The following SEMA3A variants were observed in gnomAD, a reference collection of about 807,000 sequenced individuals.
The protein encoded by SEMA3A is semaphorin-3A.
Under a neutral mutation model 97.9 loss-of-function variants are expected in SEMA3A, and 29 were observed. The observed-to-expected ratio is 0.30, with a 90% CI of 0.22 to 0.40. The LOEUF is 0.40. Among genes scored for constraint, SEMA3A ranks in the 10% least tolerant of loss-of-function variants. The pLI is 1.00. For synonymous variants in SEMA3A, 321 were observed against 323.7 expected, an observed-to-expected ratio of 0.99 and a Z score of 0.09; for missense variants, 763 against 951.3, an observed-to-expected ratio of 0.80 and a Z score of 2.60.
intron 6 of SEMA3A, among the ~76,000 whole-genome samples, chr7:84,018,277 G>T (rs1010022416): frequency 1.3e-5 from 2 of 151,840 alleles, no homozygotes; most frequent in Admixed American, 1.3e-4. Context: ...TAAGTCTAAG[G>T]TCTCTCACTA....
At chr7:84,231,372 C>G (rs1799112111) in intron 3 of SEMA3A, among the ~76,000 whole-genome samples, 1 of 151,834 alleles carries the variant, frequency 6.6e-6, no homozygotes, top group Admixed American at 6.6e-5. Context: ...AGTTGTCTAG[C>G]ATGTAGGCCA....
chr7:84,287,443 T>G (rs1406167446), intron 3 of SEMA3A, among the ~76,000 whole-genome samples: 3 of 152,176 alleles, frequency 2.0e-5, no homozygotes, highest in Non-Finnish European at 2.9e-5. Flanking sequence ...CAAAAGAGCA[T>G]GTATTTCAGA....
chr7:84,098,848 C>A (rs1196800821), intron 4 of SEMA3A, among the ~76,000 whole-genome samples: 1 of 152,036 alleles, frequency 6.6e-6, no homozygotes. Context: ...ACATGTTGAA[C>A]TTCCCTGAGC....
intron 3 of SEMA3A, among the ~76,000 whole-genome samples, chr7:84,120,475 C>G (rs1267703076): frequency 6.6e-6 from 1 of 152,146 alleles, no homozygotes; most frequent in Admixed American, 6.6e-5. Context: ...TATTATTACA[C>G]TGCTTCTGAA....
intron 12 of SEMA3A, among the ~76,000 whole-genome samples, chr7:83,997,744 C>CT (rs745309176): frequency 0.021 from 2,942 of 142,742 alleles, 73 homozygotes; most frequent in African/African-American, 0.059. Context: ...TGAAATTTTT[C>CT]TTTTTTTTTT....
At chr7:84,385,064 A>AACACACACACACACAC (rs58600722) in intron 1 of SEMA3A, among the ~76,000 whole-genome samples, 1 of 147,326 alleles carries the variant, frequency 6.8e-6, no homozygotes, top group African/African-American at 2.5e-5. Flanking sequence ...ACATCCACAA[A>AACACACACACACACAC]ACACACACAC....
intron 3 of SEMA3A, among the ~76,000 whole-genome samples, chr7:84,226,299 A>G (rs1193030669): frequency 6.6e-6 from 1 of 152,050 alleles, no homozygotes; most frequent in African/African-American, 2.4e-5. Context: ...GGACTCCCCT[A>G]TAAGAAAGTC....
At chr7:84,081,661 ACAAT>A (rs1413535133) in intron 4 of SEMA3A, among the ~76,000 whole-genome samples, 9 of 152,012 alleles carry the variant, frequency 5.9e-5, no homozygotes, top group African/African-American at 1.9e-4. Flanking sequence ...AGTAATACAA[ACAAT>A]CATAGTCAGT....
At chr7:84,199,754 G>A (rs1251617117), upstream of SEMA3A, among the ~76,000 whole-genome samples, 1 of 151,640 alleles carries the variant, frequency 6.6e-6, no homozygotes, top group Admixed American at 6.6e-5. Context: ...GAATTCTGTG[G>A]GTGAAAAAAT....
In SEMA3A at chr7:84,110,758, C is replaced by T. The variant is rs114604457; in HGVS notation, c.334-169G>A. The stretch of plus-strand genomic sequence containing the variant: ...ACTTATTTATTATTCTATTGTTTTG[C>T]TTATATTATAATATGCATTAAAATA... On this transcript the variant is annotated intron_variant, in intron 3 of 16. Coordinates refer to ENST00000265362, the MANE Select transcript of SEMA3A (RefSeq NM_006080.3). Among the ~76,000 whole-genome samples the T allele has an allele frequency of 5.1e-3, 770 of 151,510 alleles. 4 individuals carry two copies. Among genetic ancestry groups the T allele is most frequent in the African/African-American group, 0.014 (567 of 41,238 alleles).
chr7:84,205,213 T>A (rs978240909), intron 3 of SEMA3A, among the ~76,000 whole-genome samples: 1 of 152,206 alleles, frequency 6.6e-6, no homozygotes, highest in Admixed American at 6.5e-5. Context: ...ACTATTTATA[T>A]TTCAAGTCAT....
At chr7:84,347,957 C>T (rs1802342132) in intron 2 of SEMA3A, among the ~76,000 whole-genome samples, 1 of 152,098 alleles carries the variant, frequency 6.6e-6, no homozygotes, top group East Asian at 1.9e-4. Context: ...TCAAAACTCA[C>T]TAAATCGTAC....
At chr7:84,151,713 A>G (rs1469726072) in intron 1 of SEMA3A, among the ~76,000 whole-genome samples, 2 of 152,158 alleles carry the variant, frequency 1.3e-5, no homozygotes, top group Non-Finnish European at 2.9e-5. Context: ...ATTAAACTAA[A>G]GAGCTTCTGC....
intron 4 of SEMA3A, among the ~76,000 whole-genome samples, chr7:84,071,464 C>G (rs188697137): frequency 2.6e-5 from 4 of 151,990 alleles, no homozygotes; most frequent in African/African-American, 9.7e-5. Context: ...AGGAGTTATG[C>G]GAAGTGGTGT....
chr7:84,138,376 G>GT (rs1280884848), intron 1 of SEMA3A, among the ~76,000 whole-genome samples: 5 of 151,926 alleles, frequency 3.3e-5, no homozygotes, highest in Admixed American at 3.3e-4. Flanking sequence ...ATTCCTTCTT[G>GT]TTTTCCAGTT....
At chr7:84,172,263 G>A (rs1343528142) in intron 1 of SEMA3A, among the ~76,000 whole-genome samples, 2 of 152,068 alleles carry the variant, frequency 1.3e-5, no homozygotes, top group East Asian at 3.9e-4. Flanking sequence ...AGGCAACATT[G>A]AAAATATTGT....
chr7:84,422,339 T>C (rs567844591), intron 1 of SEMA3A, among the ~76,000 whole-genome samples: 2 of 152,238 alleles, frequency 1.3e-5, no homozygotes, highest in Admixed American at 6.5e-5. Flanking sequence ...TGGTAGTTTG[T>C]ATTTCTGTGG....
chr7:84,066,568 C>A (rs1236428978), intron 4 of SEMA3A, among the ~76,000 whole-genome samples: 6 of 150,092 alleles, frequency 4.0e-5, no homozygotes, highest in African/African-American at 1.5e-4. Context: ...GCAACTTCAG[C>A]AAAGTCTCAG....
intron 1 of SEMA3A, among the ~76,000 whole-genome samples, chr7:84,407,915 A>T (rs1804147977): frequency 6.6e-6 from 1 of 152,226 alleles, no homozygotes; most frequent in Admixed American, 6.5e-5. Context: ...AAAGACTTAC[A>T]TGTTAGACCT....
Sources: allele counts gnomAD v4.1 joint callset (sites outside exome capture counted in the v4.1 genomes callset), GRCh38; gene constraint gnomAD v4.1.1; transcripts MANE v1.5; gene names NCBI Gene and HGNC (gene_info 2026-07-23, HGNC 2026-07-21).